Variants in CD96 observed in about 807,000 individuals in gnomAD.
CD96 encodes T-cell surface protein tactile.
Under a neutral mutation model 71.3 loss-of-function variants are expected in CD96, and 70 were observed. The observed-to-expected ratio is 0.98, with a 90% CI of 0.81 to 1.20. CD96 has a LOEUF of 1.20. CD96 is among the 50% of genes most tolerant of loss of function. The pLI, the probability that CD96 is intolerant of heterozygous loss-of-function variation, is 0.00. For synonymous variants in CD96, 248 were observed against 233.0 expected (o/e 1.06, Z -0.59); for missense variants, 742 against 677.5 (o/e 1.10, Z -1.06).
At chr3:111,627,331 G>A (rs1938820954) in intron 10 of CD96, among the ~76,000 whole-genome samples, 1 of 152,218 alleles carries the variant, frequency 6.6e-6, no homozygotes, top group Admixed American at 6.5e-5. Context: ...AGTCCAAACG[G>A]AACAGAGCAG....
intron 3 of CD96, among the ~76,000 whole-genome samples, chr3:111,576,167 C>G (rs1341411497): frequency 6.6e-6 from 1 of 152,112 alleles, no homozygotes; most frequent in African/African-American, 2.4e-5. Flanking sequence ...AGGTGTGAAT[C>G]CATAAAGTTT....
chr3:111,660,418 A>G (rs1186808072), intron 14 of CD96, among the ~76,000 whole-genome samples: 1 of 152,258 alleles, frequency 6.6e-6, no homozygotes, highest in Non-Finnish European at 1.5e-5. Flanking sequence ...AATAATCAAT[A>G]TTTTTTAAAT....
chr3:111,593,155 A>G (rs1225227785), intron 5 of CD96: 1 of 165,648 alleles, frequency 6.0e-6, no homozygotes, highest in Non-Finnish European at 1.3e-5. Flanking sequence ...ACATAGGCAC[A>G]TTCCAGCTAC....
intron 2 of CD96, among the ~76,000 whole-genome samples, chr3:111,549,012 A>G (rs1343857229): frequency 6.6e-6 from 1 of 152,234 alleles, no homozygotes; most frequent in East Asian, 1.9e-4. Context: ...TAAGCAAACA[A>G]ATATCAAATT....
intron 14 of CD96, among the ~76,000 whole-genome samples, chr3:111,662,362 T>G (rs1046664975): frequency 4.6e-5 from 7 of 152,258 alleles, no homozygotes; most frequent in African/African-American, 1.7e-4. Context: ...CTATTAACAT[T>G]CAGCTCTTCT....
At chr3:111,649,552 C>A in intron 13 of CD96, 146 bp from the exon 14 acceptor site, 1 of 707,560 alleles carries the variant, frequency 1.4e-6, no homozygotes, top group South Asian at 1.6e-5. Context: ...AGGGTTATGC[C>A]AGCAAAAATG....
At chr3:111,563,043 A>T (rs1935535163) in intron 2 of CD96, among the ~76,000 whole-genome samples, 1 of 152,182 alleles carries the variant, frequency 6.6e-6, no homozygotes, top group Non-Finnish European at 1.5e-5. Context: ...TCTGGAGGGG[A>T]GAAATGCCAT....
chr3:111,583,703 C>A (rs1936574891), intron 4 of CD96, among the ~76,000 whole-genome samples: 1 of 152,206 alleles, frequency 6.6e-6, no homozygotes, highest in African/African-American at 2.4e-5. Context: ...GAAGCAATGG[C>A]CCAAGCTGCA....
At chr3:111,637,300 T>G in intron 11 of CD96, 39 bp downstream of exon 11, 1 of 1,105,644 alleles carries the variant, frequency 9.0e-7, no homozygotes, top group Non-Finnish European at 1.4e-6. Flanking sequence ...CTGAAGCTAG[T>G]GGTCAGCTTT....
chr3:111,563,856 T>A (rs1266178455), intron 2 of CD96, among the ~76,000 whole-genome samples: 2 of 152,220 alleles, frequency 1.3e-5, no homozygotes, highest in Non-Finnish European at 2.9e-5. Flanking sequence ...TGGAGAATCC[T>A]CAGGAAAGGC....
chr3:111,594,168 T>A (rs1316502388), intron 5 of CD96: 1 of 1,605,354 alleles, frequency 6.2e-7, no homozygotes, highest in African/African-American at 1.3e-5. Context: ...TTCATCATTG[T>A]TCCCTCCTCT....
chr3:111,643,733 T>C (rs1939698858), intron 12 of CD96, among the ~76,000 whole-genome samples: 1 of 55,908 alleles, frequency 1.8e-5, no homozygotes, highest in Admixed American at 2.7e-4. Context: ...TTACAATAGC[T>C]GCAAAAAAAA....
Position 111,649,870 on chromosome 3 carries a change from G to A in CD96, c.*64G>A. 1.9e-6 allele frequency: 2 copies of A among 1,047,230 alleles called. No individual in the cohort carries two copies. The highest frequency in any genetic ancestry group is 2.5e-5 in the South Asian group (2 of 79,644). 64.9% of individuals were successfully genotyped at this position (1,047,230 alleles called of 1,614,324 possible). ...ATCCTATTGAGAAGGTAGACATTGT[G>A]CTTTATTAATATAGTCGCTCTTCAG... is the stretch of plus-strand genomic sequence containing the variant. On this transcript the variant is annotated 3_prime_UTR_variant, in exon 14 of 14. Coordinates refer to ENST00000352690, the MANE Select transcript of CD96 (RefSeq NM_005816.5).
intron 4 of CD96, among the ~76,000 whole-genome samples, chr3:111,580,485 TAAAC>T: frequency 6.6e-6 from 1 of 151,960 alleles, no homozygotes; most frequent in Non-Finnish European, 1.5e-5. Context: ...GAAAATGAGA[TAAAC>T]AAAGAGAAAA....
At chr3:111,624,037 T>C (rs1181267891) in intron 9 of CD96, among the ~76,000 whole-genome samples, 1 of 152,254 alleles carries the variant, frequency 6.6e-6, no homozygotes. Flanking sequence ...TATTATATTG[T>C]ATCTTTTATT....
At chr3:111,552,565 T>C (rs1485425573) in intron 2 of CD96, among the ~76,000 whole-genome samples, 3 of 151,782 alleles carry the variant, frequency 2.0e-5, no homozygotes, top group Non-Finnish European at 4.4e-5. Context: ...GTGGTCCATG[T>C]AGTCTCTGTC....
intron 10 of CD96, among the ~76,000 whole-genome samples, chr3:111,628,680 A>G (rs1938906628): frequency 6.6e-6 from 1 of 152,214 alleles, no homozygotes; most frequent in African/African-American, 2.4e-5. Context: ...AAGATACTCC[A>G]TGAGAAGATC....
chr3:111,545,446 C>A, intron 2 of CD96, 44 bp downstream of exon 2: 1 of 1,222,608 alleles, frequency 8.2e-7, no homozygotes, highest in South Asian at 1.2e-5. Context: ...TCAGCTCTCT[C>A]TCATTCAACA....
downstream of CD96, among the ~76,000 whole-genome samples, chr3:111,655,172 C>A (rs1940199984): frequency 6.6e-6 from 1 of 152,148 alleles, no homozygotes; most frequent in Non-Finnish European, 1.5e-5. Flanking sequence ...TTCAAAGGGA[C>A]ATGCTTTGGT....
Sources: gnomAD v4.1 joint callset for allele counts (sites outside exome capture counted in the v4.1 genomes callset) on GRCh38, gnomAD v4.1.1 for gene constraint, MANE v1.5 for transcripts, NCBI Gene and HGNC (gene_info 2026-07-23, HGNC 2026-07-21) for gene names.